The following LYRM4 variants were observed in gnomAD, a reference collection of about 807,000 sequenced individuals.
LYRM4 encodes LYR motif-containing protein 4.
Under a neutral mutation model 11.7 loss-of-function variants are expected in LYRM4, and 9 were observed. That is an observed-to-expected ratio of 0.77 (90% confidence interval 0.46 to 1.34). The LOEUF is 1.34. Ranked by LOEUF, LYRM4 falls within the 40% of genes most tolerant of loss-of-function variation. LYRM4 has a pLI of 0.00. For synonymous variants in LYRM4, 42 were observed against 40.4 expected, an observed-to-expected ratio of 1.04 and a Z score of -0.15; for missense variants, 133 against 112.5, an observed-to-expected ratio of 1.18 and a Z score of -0.82.
At chr6:5,047,615 A>G in the LYRM4 span, among the ~76,000 whole-genome samples, 1 of 152,188 alleles carries the variant, frequency 6.6e-6, no homozygotes, top group African/African-American at 2.4e-5. Context: ...TGAACACCAT[A>G]TCTTAGATCT....
At chr6:5,120,581 G>A (rs1316328722) in intron 2 of LYRM4, among the ~76,000 whole-genome samples, 1 of 152,198 alleles carries the variant, frequency 6.6e-6, no homozygotes, top group Non-Finnish European at 1.5e-5. Flanking sequence ...CTGCTGGCTG[G>A]GGGTGGCCAG....
chr6:5,185,930 G>A (rs1760364290), intron 2 of LYRM4, among the ~76,000 whole-genome samples: 1 of 152,144 alleles, frequency 6.6e-6, no homozygotes, highest in African/African-American at 2.4e-5. Flanking sequence ...AGAAGGGGAG[G>A]CAGGAGTGAG....
chr6:5,071,345 AT>A, the LYRM4 span, among the ~76,000 whole-genome samples: 2 of 152,078 alleles, frequency 1.3e-5, no homozygotes, highest in South Asian at 4.1e-4. Flanking sequence ...TATTTAAAAA[AT>A]TTTTTTAAAC....
chr6:5,044,191 C>A, the LYRM4 span, among the ~76,000 whole-genome samples: 3 of 151,908 alleles, frequency 2.0e-5, no homozygotes, highest in African/African-American at 7.3e-5. Context: ...TGCAGTGGTA[C>A]GATCTTGGCT....
the LYRM4 span, among the ~76,000 whole-genome samples, chr6:5,097,179 G>A: frequency 1.3e-5 from 2 of 152,242 alleles, no homozygotes; most frequent in Admixed American, 6.5e-5. Context: ...CTGAGGTGAC[G>A]CAGAGCGTCA....
At chr6:5,057,165 A>G in the LYRM4 span, among the ~76,000 whole-genome samples, 23,435 of 152,194 alleles carry the variant, frequency 0.15, 1,870 homozygotes, top group Admixed American at 0.18. Context: ...TTATGAAAAT[A>G]GTTTCAACCT....
intron 2 of LYRM4, among the ~76,000 whole-genome samples, chr6:5,111,651 A>G (rs1406241891): frequency 6.6e-6 from 1 of 152,206 alleles, no homozygotes; most frequent in East Asian, 1.9e-4. Flanking sequence ...GACGCCTCTA[A>G]TGACAGCCGC....
chr6:5,098,963 C>T (rs1266488018), downstream of LYRM4, among the ~76,000 whole-genome samples: 2 of 152,126 alleles, frequency 1.3e-5, no homozygotes, highest in Non-Finnish European at 2.9e-5. Flanking sequence ...TATTTGTGGT[C>T]TCTTCCCCTC....
chr6:5,079,644 G>A, the LYRM4 span, among the ~76,000 whole-genome samples: 1 of 152,188 alleles, frequency 6.6e-6, no homozygotes, highest in East Asian at 1.9e-4. Flanking sequence ...CAAAAGGAGA[G>A]AAGAAGATGG....
chr6:5,075,660 C>T, the LYRM4 span, among the ~76,000 whole-genome samples: 32 of 152,296 alleles, frequency 2.1e-4, no homozygotes, highest in Middle Eastern at 3.4e-3. Flanking sequence ...AATGAGAGGA[C>T]AGAAGTCAAA....
the LYRM4 span, among the ~76,000 whole-genome samples, chr6:5,083,318 G>A: frequency 6.6e-6 from 1 of 152,222 alleles, no homozygotes; most frequent in Non-Finnish European, 1.5e-5. Flanking sequence ...GTATTTAAAT[G>A]TAAAAGCAAT....
intron 2 of LYRM4, among the ~76,000 whole-genome samples, chr6:5,138,154 CAAAA>C (rs1757195478): frequency 6.6e-6 from 1 of 151,988 alleles, no homozygotes; most frequent in Admixed American, 6.6e-5. Context: ...TTCATGATGA[CAAAA>C]GAAGACATTT....
chr6:5,092,809 C>T, the LYRM4 span, among the ~76,000 whole-genome samples: 2 of 152,148 alleles, frequency 1.3e-5, no homozygotes, highest in Non-Finnish European at 2.9e-5. Flanking sequence ...AAGCAGCAGT[C>T]GTGTTTATGT....
intron 2 of LYRM4, among the ~76,000 whole-genome samples, chr6:5,194,645 C>T (rs557650937): frequency 7.1e-4 from 108 of 152,274 alleles, no homozygotes; most frequent in African/African-American, 2.4e-3. Context: ...GAAGTGAAAG[C>T]GTCTTTGGAA....
At chr6:5,114,018 A>T (rs1763008164) in intron 2 of LYRM4, among the ~76,000 whole-genome samples, 1 of 152,168 alleles carries the variant, frequency 6.6e-6, no homozygotes, top group Non-Finnish European at 1.5e-5. Context: ...CTAGAAGTTT[A>T]CACTCTCCAG....
intron 2 of LYRM4, among the ~76,000 whole-genome samples, chr6:5,129,920 TATGGACGG>T (rs1763872496): frequency 6.6e-6 from 1 of 152,002 alleles, no homozygotes; most frequent in Admixed American, 6.6e-5. Context: ...GAAGCAGGGG[TATGGACGG>T]GTGGGAAGGC....
rs544871776 is a variant in LYRM4, at chr6:5,123,605, T to A, written c.208-14114A>T. Among the ~76,000 whole-genome samples, 3 of 152,334 alleles carry A rather than the reference T, an allele frequency of 2.0e-5. No homozygotes were observed. In the East Asian group the frequency reaches 5.8e-4, roughly 29 times the overall value. ...AACTTCCAGCTGTTCCCACGGCCCC[T>A]ACTTAATAAACTGCCCTCCTCCCTT... On this transcript the variant is annotated intron_variant, in intron 2 of 2. Transcript: ENST00000330636.
chr6:5,154,682 G>A (rs887821381), intron 2 of LYRM4, among the ~76,000 whole-genome samples: 11 of 152,284 alleles, frequency 7.2e-5, no homozygotes, highest in South Asian at 2.1e-4. Flanking sequence ...AGCCGGGCGT[G>A]GTGTCACGCG....
intron 1 of LYRM4, among the ~76,000 whole-genome samples, chr6:5,253,829 T>C (rs1343119733): frequency 1.6e-5 from 1 of 61,410 alleles, no homozygotes; most frequent in Admixed American, 1.7e-4. Context: ...TGCCTCATGC[T>C]GAGCAAAAAA....
Sources: gnomAD v4.1 joint callset for allele counts (sites outside exome capture counted in the v4.1 genomes callset) on GRCh38, gnomAD v4.1.1 for gene constraint, MANE v1.5 for transcripts, NCBI Gene and HGNC (gene_info 2026-07-23, HGNC 2026-07-21) for gene names.